Variants in PARG observed in about 807,000 individuals in gnomAD.
The protein encoded by PARG is poly(ADP-ribose) glycohydrolase, also known as mitochondrial poly(ADP-ribose) glycohydrolase.
PARG carries 35 observed loss-of-function variants against 113.0 expected under a neutral mutation model. The observed-to-expected ratio is 0.31, with a 90% CI of 0.24 to 0.41. The LOEUF is 0.41. Ranked by LOEUF, PARG falls within the 10% of genes least tolerant of loss-of-function variation. The pLI, the probability that PARG is intolerant of heterozygous loss-of-function variation, is 1.00. For synonymous variants in PARG, 330 were observed against 409.9 expected (o/e 0.81, Z 2.36); for missense variants, 797 against 1,169.4 (o/e 0.68, Z 4.64).
intron 15 of PARG, among the ~76,000 whole-genome samples, chr10:49,839,285 T>C (rs1845108686): frequency 6.6e-6 from 1 of 151,084 alleles, no homozygotes; most frequent in African/African-American, 2.4e-5. Context: ...TGCAGTGAAC[T>C]GAGACCACGC....
At chr10:49,928,372 T>C (rs1315647020) in intron 4 of PARG, among the ~76,000 whole-genome samples, 13 of 152,204 alleles carry the variant, frequency 8.5e-5, no homozygotes, top group Non-Finnish European at 1.0e-4. Context: ...GGATGTTCCA[T>C]ATCATCTGAT....
Position 49,941,538 on chromosome 10 carries a change from C to T in PARG, c.188G>A (p.Gly63Glu). ...CGAGGTGGCGCTGCCTCTGTGCTGT[C>T]CCGCCCGCCCTGGGACGCAGGCTGG... ...SSPACVPGRA[G>E]QHRGSATSLV... The change falls in exon 1 of 18, where the codon GGA (glycine) becomes GAA (glutamate). Residue 63 changes from glycine (G) to glutamate (E), a missense_variant. By Grantham distance (98) the Gly-to-Glu change is moderately conservative. Transcript: ENST00000616448. 1 of 1,558,368 alleles carries T rather than the reference C, an allele frequency of 6.4e-7. No homozygotes were observed. Among genetic ancestry groups the T allele is most frequent in the Non-Finnish European group, 8.7e-7 (1 of 1,151,414 alleles).
intron 6 of PARG, 93 bp downstream of exon 6, chr10:49,922,243 C>T (rs1339948371): frequency 7.5e-6 from 10 of 1,328,036 alleles, no homozygotes; most frequent in Middle Eastern, 2.6e-4. Context: ...TGCATCTAAA[C>T]AATGTTGCTA....
chr10:49,920,546 A>G (rs1365735085), intron 6 of PARG, among the ~76,000 whole-genome samples: 1 of 142,564 alleles, frequency 7.0e-6, no homozygotes, highest in African/African-American at 2.6e-5. Flanking sequence ...ATATACACAT[A>G]TATATACATA....
At chr10:49,892,173 AT>A (rs1165140292) in intron 7 of PARG, among the ~76,000 whole-genome samples, 2 of 151,950 alleles carry the variant, frequency 1.3e-5, no homozygotes, top group African/African-American at 4.8e-5. Flanking sequence ...TCAATTTCGT[AT>A]TTTTTCTCAC....
chr10:49,874,465 T>C (rs1225348467), intron 9 of PARG, among the ~76,000 whole-genome samples: 5 of 152,160 alleles, frequency 3.3e-5, no homozygotes, highest in Non-Finnish European at 7.3e-5. Context: ...AATGACCATG[T>C]ACAATGAAAA....
intron 15 of PARG, among the ~76,000 whole-genome samples, chr10:49,837,119 C>T (rs1279671969): frequency 1.3e-5 from 2 of 152,074 alleles, no homozygotes; most frequent in Non-Finnish European, 2.9e-5. Context: ...ACTGGTCCCC[C>T]CCTTTAAAAA....
chr10:49,936,019 C>T (rs1238111051), intron 1 of PARG, among the ~76,000 whole-genome samples: 26 of 152,114 alleles, frequency 1.7e-4, no homozygotes, highest in African/African-American at 5.6e-4. Context: ...GCTACTAGTC[C>T]AGGTCAGTGG....
chr10:49,828,065 G>GCTGAGA (rs1379202154), intron 16 of PARG, among the ~76,000 whole-genome samples: 3 of 108,836 alleles, frequency 2.8e-5, no homozygotes, highest in Non-Finnish European at 5.1e-5. Context: ...AAAAATCTCT[G>GCTGAGA]CTGAGACGAG....
At chr10:49,905,633 A>G (rs1168621193) in intron 7 of PARG, among the ~76,000 whole-genome samples, 7 of 152,252 alleles carry the variant, frequency 4.6e-5, no homozygotes, top group Admixed American at 3.3e-4. Flanking sequence ...GAAGGAGGAT[A>G]TAATACGCAG....
At chr10:49,837,078 T>C (rs1386195281) in intron 15 of PARG, among the ~76,000 whole-genome samples, 2 of 152,156 alleles carry the variant, frequency 1.3e-5, no homozygotes, top group South Asian at 2.1e-4. Context: ...GGATTAAACA[T>C]TGCTTCACAG....
chr10:49,840,064 T>C (rs879964832), intron 15 of PARG, among the ~76,000 whole-genome samples: 1 of 152,202 alleles, frequency 6.6e-6, no homozygotes, highest in South Asian at 2.1e-4. Context: ...AAAATAGGCT[T>C]ACATTTAAAA....
At chr10:49,883,819 A>AC (rs1847329236) in intron 8 of PARG, among the ~76,000 whole-genome samples, 1 of 143,550 alleles carries the variant, frequency 7.0e-6, no homozygotes, top group African/African-American at 2.5e-5. Context: ...AAAAAAAAAA[A>AC]AAAAACAGGT....
At chr10:49,839,676 A>C (rs1301568277) in intron 15 of PARG, among the ~76,000 whole-genome samples, 17 of 152,262 alleles carry the variant, frequency 1.1e-4, no homozygotes, top group African/African-American at 4.1e-4. Flanking sequence ...ATTTTAAAAA[A>C]GACTTATGCC....
chr10:49,901,953 GCAGCCGGCAGCCA>G (rs1373766687), intron 7 of PARG, among the ~76,000 whole-genome samples: 3 of 152,134 alleles, frequency 2.0e-5, no homozygotes, highest in Non-Finnish European at 4.4e-5. Context: ...GTCCAGGATG[GCAGCCGGCAGCCA>G]CATGTGGCAT....
At chr10:49,859,491 C>A (rs1366941217) in intron 12 of PARG, among the ~76,000 whole-genome samples, 1 of 151,452 alleles carries the variant, frequency 6.6e-6, no homozygotes, top group Non-Finnish European at 1.5e-5. Context: ...AGAAGAAACT[C>A]GGTAAAGAAA....
In PARG at chr10:49,930,209, A is replaced by G. The variant is rs1205702282; in HGVS notation, c.1455+1891T>C. The stretch of plus-strand genomic sequence containing the variant: ...AATTTGATTGTGCAGTTCTTTTTTA[A>G]CAAGTTTTTCACTGTTAAAAATATA... On this transcript the variant is annotated intron_variant, in intron 4 of 17. Coordinates refer to ENST00000616448, the MANE Select transcript of PARG (RefSeq NM_003631.5). Among the ~76,000 whole-genome samples the G allele has an allele frequency of 5.0e-4, 76 of 151,614 alleles. No individual in the cohort carries two copies. The South Asian group carries it at 0.016, about 31-fold the overall frequency.
chr10:49,831,057 C>T (rs1844635097), intron 16 of PARG, among the ~76,000 whole-genome samples: 1 of 152,058 alleles, frequency 6.6e-6, no homozygotes, highest in Admixed American at 6.6e-5. Context: ...TAGTTGAAAA[C>T]TATCCATGAG....
intron 13 of PARG, among the ~76,000 whole-genome samples, chr10:49,853,635 G>T (rs1459522046): frequency 2.6e-5 from 4 of 151,730 alleles, no homozygotes; most frequent in Admixed American, 6.6e-5. Context: ...TTCCATTTCA[G>T]TATAATTTGG....
Sources: gnomAD v4.1 joint callset for allele counts (sites outside exome capture counted in the v4.1 genomes callset) on GRCh38, gnomAD v4.1.1 for gene constraint, MANE v1.5 for transcripts, NCBI Gene and HGNC (gene_info 2026-07-23, HGNC 2026-07-21) for gene names.